SLC71A2: variants seen among roughly 807,000 people sequenced by gnomAD.
The protein encoded by SLC71A2 is hippocampus abundant transcript-like 1.
At chr9:94,459,209 C>T in the SLC71A2 span, 2 of 1,614,048 alleles carry the variant, frequency 1.2e-6, no homozygotes, top group South Asian at 1.1e-5. Context: ...ATGTATAGTC[C>T]TTATGTCTTT....
the SLC71A2 span, among the ~76,000 whole-genome samples, chr9:94,447,187 T>G: frequency 3.3e-5 from 5 of 152,080 alleles, no homozygotes; most frequent in African/African-American, 1.2e-4. Context: ...ATTTATCTTT[T>G]TTTTTTTTTG....
the SLC71A2 span, chr9:94,459,532 T>A: frequency 3.0e-4 from 285 of 959,130 alleles, no homozygotes; most frequent in Non-Finnish European, 4.1e-4. Flanking sequence ...GGGCCAAGTT[T>A]GATAAATACC....
chr9:94,406,192 T>C, the SLC71A2 span, among the ~76,000 whole-genome samples: 1 of 147,098 alleles, frequency 6.8e-6, no homozygotes, highest in Admixed American at 6.9e-5. Context: ...CTCAGCCTCC[T>C]GAGTAGATGG....
the SLC71A2 span, among the ~76,000 whole-genome samples, chr9:94,402,434 C>T: frequency 3.3e-5 from 5 of 152,078 alleles, no homozygotes; most frequent in Admixed American, 2.6e-4. Flanking sequence ...TGATGTAGAA[C>T]TACCACTATC....
chr9:94,383,771 A>G, the SLC71A2 span, among the ~76,000 whole-genome samples: 1 of 151,926 alleles, frequency 6.6e-6, no homozygotes, highest in Non-Finnish European at 1.5e-5. Flanking sequence ...TGATGCATGA[A>G]TGTAGTATCT....
chr9:94,442,428 C>T, the SLC71A2 span, among the ~76,000 whole-genome samples: 1 of 152,172 alleles, frequency 6.6e-6, no homozygotes, highest in African/African-American at 2.4e-5. Flanking sequence ...TCCCTCCACT[C>T]CTGAATGTCC....
At chr9:94,451,201 A>G in the SLC71A2 span, among the ~76,000 whole-genome samples, 3,923 of 152,298 alleles carry the variant, frequency 0.026, 142 homozygotes, top group African/African-American at 0.081. Context: ...TGGAGAGGGT[A>G]TATAAAACAA....
chr9:94,436,702 T>C, the SLC71A2 span, among the ~76,000 whole-genome samples: 37 of 152,226 alleles, frequency 2.4e-4, no homozygotes, highest in South Asian at 7.3e-3. Context: ...CCTCCTCTTA[T>C]CAGTTTACCT....
the SLC71A2 span, among the ~76,000 whole-genome samples, chr9:94,410,496 G>A: frequency 6.6e-6 from 1 of 151,868 alleles, no homozygotes; most frequent in Non-Finnish European, 1.5e-5. Flanking sequence ...AAATAGCTGG[G>A]ACTACAGGTG....
the SLC71A2 span, among the ~76,000 whole-genome samples, chr9:94,376,576 G>A: frequency 6.8e-6 from 1 of 146,844 alleles, no homozygotes; most frequent in Non-Finnish European, 1.5e-5. Context: ...GTGATTAGAC[G>A]AGCATGCTTG....
the SLC71A2 span, chr9:94,429,072 A>G: frequency 1.4e-5 from 20 of 1,428,678 alleles, no homozygotes; most frequent in Non-Finnish European, 1.8e-5. Context: ...AATTTTGTTG[A>G]TATTTTATAA....
the SLC71A2 span, among the ~76,000 whole-genome samples, chr9:94,436,262 C>A: frequency 6.6e-6 from 1 of 152,150 alleles, no homozygotes; most frequent in African/African-American, 2.4e-5. Context: ...GTTGCATGGA[C>A]AATGGGCAAA....
the SLC71A2 span, among the ~76,000 whole-genome samples, chr9:94,393,831 C>T: frequency 1.0e-5 from 1 of 96,920 alleles, no homozygotes; most frequent in African/African-American, 3.9e-5. Flanking sequence ...GTGATATACT[C>T]AATAACCTCT....
At chr9:94,460,987 A>G in the SLC71A2 span, 1 of 152,108 alleles carries the variant, frequency 6.6e-6, no homozygotes, top group African/African-American at 2.4e-5. Context: ...GTGGCTTTCA[A>G]TTAAACTGAG....
chr9:94,387,450 A>C, the SLC71A2 span, among the ~76,000 whole-genome samples: 1 of 151,974 alleles, frequency 6.6e-6, no homozygotes. Context: ...GAATTGATGA[A>C]TATTCTAATC....
the SLC71A2 span, among the ~76,000 whole-genome samples, chr9:94,426,436 C>T: frequency 6.6e-6 from 1 of 152,212 alleles, no homozygotes; most frequent in Admixed American, 6.5e-5. Flanking sequence ...TCAAGGTCTT[C>T]TCTTTCATCT....
chr9:94,459,572 GTT>G, the SLC71A2 span: 87,430 of 477,972 alleles, frequency 0.18, 5,953 homozygotes, highest in Middle Eastern at 0.27. Context: ...TCCTCCTCCT[GTT>G]TTTTTTTTTT....
chr9:94,394,907 C>CT, the SLC71A2 span, among the ~76,000 whole-genome samples: 3 of 95,848 alleles, frequency 3.1e-5, no homozygotes, highest in African/African-American at 7.9e-5. Flanking sequence ...TGTGGCAGTA[C>CT]TTTTTTTGTT....
At chr9:94,429,919 T>A in the SLC71A2 span, among the ~76,000 whole-genome samples, 1 of 151,462 alleles carries the variant, frequency 6.6e-6, no homozygotes, top group African/African-American at 2.4e-5. Flanking sequence ...ATTTTTTTTT[T>A]TTTTGAGATG....
Sources: allele counts gnomAD v4.1 joint callset (sites outside exome capture counted in the v4.1 genomes callset), GRCh38; gene constraint gnomAD v4.1.1; transcripts MANE v1.5; gene names NCBI Gene and HGNC (gene_info 2026-07-23, HGNC 2026-07-21).